Variants in VPS13D observed in about 807,000 individuals in gnomAD.
VPS13D encodes intermembrane lipid transfer protein VPS13D.
A neutral mutation model predicts 461.9 loss-of-function variants in VPS13D; 187 were observed. That is an observed-to-expected ratio of 0.40 (90% CI 0.36 to 0.46). The LOEUF (loss-of-function observed/expected upper bound fraction) is 0.46, where lower values mean the gene tolerates loss of function less well. VPS13D is among the 20% of genes least tolerant of loss of function. The pLI, the probability that VPS13D is intolerant of heterozygous loss-of-function variation, is 0.60. For missense variants in VPS13D, 4,711 were observed against 5,364.9 expected, an observed-to-expected ratio of 0.88 and a Z score of 3.81; for synonymous variants, 1,951 against 1,986.3, an observed-to-expected ratio of 0.98 and a Z score of 0.47.
intron 65 of VPS13D, among the ~76,000 whole-genome samples, chr1:12,417,928 A>G (rs1644816276): frequency 1.3e-5 from 2 of 151,982 alleles, no homozygotes; most frequent in South Asian, 4.1e-4. Context: ...CTTTTTCGCG[A>G]CAGAGTCTTG....
At chr1:12,477,877 C>G (rs1645654471) in intron 67 of VPS13D, among the ~76,000 whole-genome samples, 1 of 152,136 alleles carries the variant, frequency 6.6e-6, no homozygotes, top group African/African-American at 2.4e-5. Context: ...GAAGGACTAG[C>G]AGATAGCTAT....
At chr1:12,323,498 CT>C (rs1643099259) in intron 34 of VPS13D, among the ~76,000 whole-genome samples, 2 of 151,848 alleles carry the variant, frequency 1.3e-5, no homozygotes, top group Admixed American at 1.3e-4. Context: ...CAGGACACCA[CT>C]TTAAAAACAC....
At chr1:12,369,745 C>G (rs1027950539) in intron 54 of VPS13D, 43 bp downstream of exon 54, 4 of 1,568,722 alleles carry the variant, frequency 2.5e-6, no homozygotes, top group Non-Finnish European at 3.5e-6. Flanking sequence ...GCAGAAGGTT[C>G]TAATTATTAA....
Position 12,244,351 on chromosome 1 carries a change from T to C in VPS13D, c.281T>C (p.Ile94Thr), listed in dbSNP as rs766085099. Residue 94 changes from isoleucine to threonine, a missense_variant, in exon 4 of 70, where the codon ATA becomes ACA. Ile to Thr is a moderately conservative substitution (Grantham distance 89). Around this residue, in one of 3 missense-constraint regions of VPS13D, gnomAD observed 4,411 missense variants for 4,937.8 expected, o/e 0.89. Transcript: ENST00000620676. ...CACTTAATTGGAGCCCCAGAGAAAA[T>C]ACAGGATTTCAATGATGAAAAGGAG... is the stretch of plus-strand genomic sequence containing the variant. ...SLHLIGAPEK[I>T]QDFNDEKEKL... is the part of the protein sequence containing the mutation. 1.2e-5 allele frequency: 19 copies of C among 1,613,976 alleles called. No individual in the cohort carries two copies. The highest frequency in any genetic ancestry group is 1.6e-5 in the Non-Finnish European group (19 of 1,180,008).
intron 65 of VPS13D, among the ~76,000 whole-genome samples, chr1:12,421,921 A>C (rs539886563): frequency 3.9e-5 from 6 of 152,222 alleles, no homozygotes; most frequent in African/African-American, 1.4e-4. Context: ...TCCTGGGTTC[A>C]AGCGATCCTC....
Position 12,308,745 on chromosome 1 carries a change from G to A in VPS13D, c.6650+104G>A, listed in dbSNP as rs370986260. 3.7e-4 allele frequency: 394 copies of A among 1,073,996 alleles called. 1 individual carries two copies. In the African/African-American group the frequency reaches 5.5e-3, roughly 15 times the overall value. 66.5% of individuals were successfully genotyped at this position (1,073,996 alleles called of 1,614,324 possible). A position where few individuals can be genotyped will look rare whatever the true frequency, so the allele number is the denominator to read the frequency against. ...GCTCACTGCAACCTCCACCTCTGAGGTTCAAGTGATTCTCCTCAGCCTCAG... is the reference window on the plus strand; with the variant it reads ...GCTCACTGCAACCTCCACCTCTGAGATTCAAGTGATTCTCCTCAGCCTCAG... On this transcript the variant is annotated intron_variant, in intron 27 of 69. Coordinates refer to ENST00000620676, the MANE Select transcript of VPS13D (RefSeq NM_015378.4).
rs1644231682 is a variant in VPS13D, at chr1:12,378,502, T to C, written c.10992T>C (p.Pro3664=). The change falls in exon 56 of 70, where the codon CCT becomes CCC. Residue 3664 remains proline, a synonymous_variant. Coordinates refer to ENST00000620676, the MANE Select transcript of VPS13D (RefSeq NM_015378.4). The stretch of plus-strand genomic sequence containing the variant: ...TGGCCCATGAGGGCTCCTCAGTTCC[T>C]CACAATCCCAATAAGCCCTCAGCCG... The part of the protein sequence containing the change: ...GMLAHEGSSV[P]HNPNKPSAAR... 6.2e-7 allele frequency: 1 copy of C among 1,612,876 alleles called. No individual in the cohort carries two copies. The highest frequency in any genetic ancestry group is 1.3e-5 in the African/African-American group (1 of 74,930).
intron 13 of VPS13D, among the ~76,000 whole-genome samples, chr1:12,265,064 A>C (rs1641225894): frequency 2.0e-5 from 3 of 152,126 alleles, no homozygotes; most frequent in African/African-American, 7.2e-5. Context: ...ATGCCAGTAC[A>C]TCTGTTTACA....
At position 12,379,468 on chromosome 1, in the gene VPS13D, T is replaced by C. The variant is rs1367076993; in HGVS notation, c.11082-20T>C. The stretch of plus-strand genomic sequence containing the variant: ...GTTGACTCGGAGGTTTCATGGTTCA[T>C]TGTGTATTCCGTTTTCCAGATACGA... On this transcript the variant is annotated intron_variant, in intron 56 of 69. Coordinates refer to ENST00000620676, the MANE Select transcript of VPS13D (RefSeq NM_015378.4). 5 of 1,607,310 alleles carry C rather than the reference T, an allele frequency of 3.1e-6. No individual in the cohort carries two copies. Among genetic ancestry groups the C allele is most frequent in the African/African-American group, 1.3e-5 (1 of 74,656 alleles).
At chr1:12,242,071 TA>T (rs539184850) in intron 2 of VPS13D, among the ~76,000 whole-genome samples, 69 of 142,682 alleles carry the variant, frequency 4.8e-4, no homozygotes, top group Admixed American at 6.3e-4. Context: ...TAAAGGTTGA[TA>T]AAAAAAAAAA....
intron 39 of VPS13D, chr1:12,336,936 T>C (rs1031340426): frequency 3.3e-5 from 5 of 152,386 alleles, no homozygotes; most frequent in South Asian, 4.1e-4. Flanking sequence ...ACATTATTCA[T>C]GCAGGGGCAT....
At chr1:12,475,961 A>G (rs1645626458) in intron 67 of VPS13D, among the ~76,000 whole-genome samples, 1 of 152,332 alleles carries the variant, frequency 6.6e-6, no homozygotes, top group Non-Finnish European at 1.5e-5. Flanking sequence ...TGTGGGTGTG[A>G]AAAAGTAAAT....
At chr1:12,493,863 T>C (rs1435022931) in intron 67 of VPS13D, among the ~76,000 whole-genome samples, 1 of 152,244 alleles carries the variant, frequency 6.6e-6, no homozygotes, top group African/African-American at 2.4e-5. Context: ...GCCTACCAAC[T>C]TGGACCTGAG....
rs201376188 is a variant in VPS13D at position 12,318,119 on chromosome 1, G to C, written c.7196G>C (p.Arg2399Pro). The change falls in exon 31 of 70, where the codon CGT (arginine) becomes CCT (proline). Residue 2399 changes from arginine (R) to proline (P), a missense_variant. Arg to Pro is a moderately radical substitution (Grantham distance 103). Coordinates refer to ENST00000620676, the MANE Select transcript of VPS13D (RefSeq NM_015378.4). ...TTTACAGTAGTTCTCAACAATCTCCGTGTGTTTCTCATATTTGACTGGCTA... is the reference window on the plus strand; with the variant it reads ...TTTACAGTAGTTCTCAACAATCTCCCTGTGTTTCTCATATTTGACTGGCTA... ...SCFTVVLNNL[R>P]VFLIFDWLLL... is the part of the protein sequence containing the mutation. 1 of 1,613,722 alleles carries C rather than the reference G, an allele frequency of 6.2e-7. No individual in the cohort carries two copies. Among genetic ancestry groups the C allele is most frequent in the Non-Finnish European group, 8.5e-7 (1 of 1,179,898 alleles).
chr1:12,288,388 T>C (rs1258422387), intron 22 of VPS13D, 75 bp downstream of exon 22: 1 of 1,333,438 alleles, frequency 7.5e-7, no homozygotes, highest in Non-Finnish European at 1.1e-6. Flanking sequence ...CACAAATTGA[T>C]TGTCCTCACG....
In VPS13D at chr1:12,253,798, T is replaced by C; in HGVS notation, c.641T>C (p.Leu214Pro). 1 of 1,614,072 alleles carries C rather than the reference T, an allele frequency of 6.2e-7. No individual in the cohort carries two copies. Among genetic ancestry groups the C allele is most frequent in the Non-Finnish European group, 8.5e-7 (1 of 1,179,974 alleles). ...TATTGGGATGTCGATTGCACTTTACTGGGGGATTTGCCTCAGATGGAGTTA... is the reference window on the plus strand; with the variant it reads ...TATTGGGATGTCGATTGCACTTTACCGGGGGATTTGCCTCAGATGGAGTTA... The part of the protein sequence containing the change: ...SIYWDVDCTL[L>P]GDLPQMELQE... The change falls in exon 7 of 70, where the codon CTG becomes CCG. Residue 214 changes from leucine to proline, a missense_variant. Leu to Pro is a moderately conservative substitution (Grantham distance 98, BLOSUM62 -3). Coordinates refer to ENST00000620676, the MANE Select transcript of VPS13D (RefSeq NM_015378.4).
At chr1:12,372,617 G>T (rs1226075626) in intron 54 of VPS13D, among the ~76,000 whole-genome samples, 1 of 152,030 alleles carries the variant, frequency 6.6e-6, no homozygotes, top group Non-Finnish European at 1.5e-5. Context: ...CCAGATGTAT[G>T]ATTTGCAATT....
intron 67 of VPS13D, among the ~76,000 whole-genome samples, chr1:12,489,070 A>T (rs1409809443): frequency 6.6e-6 from 1 of 152,228 alleles, no homozygotes; most frequent in African/African-American, 2.4e-5. Context: ...TTTAGGCTCC[A>T]TTCTTACTAT....
chr1:12,244,501 A>C, intron 4 of VPS13D, 36 bp from the exon 5 acceptor site: 1 of 1,613,962 alleles, frequency 6.2e-7, no homozygotes, highest in Non-Finnish European at 8.5e-7. Flanking sequence ...GAGCAAGAAC[A>C]CTAGATTGAG....
Sources: allele counts gnomAD v4.1 joint callset (sites outside exome capture counted in the v4.1 genomes callset), GRCh38; gene constraint gnomAD v4.1.1; regional missense constraint gnomAD v4.1.1; transcripts MANE v1.5; gene names NCBI Gene and HGNC (gene_info 2026-07-23, HGNC 2026-07-21).